The following PHC3 variants were observed in gnomAD, a reference collection of about 807,000 sequenced individuals.
PHC3 encodes the protein polyhomeotic-like protein 3.
A neutral mutation model predicts 107.4 loss-of-function variants in PHC3; 13 were observed. The observed-to-expected ratio is 0.12, with a 90% CI of 0.08 to 0.19. The LOEUF is 0.19. Ranked by LOEUF, PHC3 falls within the 10% of genes least tolerant of loss-of-function variation. PHC3 has a pLI of 1.00. For synonymous variants in PHC3, 456 were observed against 427.4 expected (o/e 1.07, Z -0.83); for missense variants, 992 against 1,210.9 (o/e 0.82, Z 2.68).
At chr3:170,155,278 AAAG>A (rs1191012341) in intron 4 of PHC3, among the ~76,000 whole-genome samples, 1 of 152,276 alleles carries the variant, frequency 6.6e-6, no homozygotes, top group African/African-American at 2.4e-5. Context: ...TTTCACATTA[AAAG>A]AATGATGTAT....
intron 11 of PHC3, among the ~76,000 whole-genome samples, chr3:170,111,886 A>G (rs1409438070): frequency 6.6e-6 from 1 of 152,352 alleles, no homozygotes; most frequent in East Asian, 1.9e-4. Context: ...GTATAGGCTC[A>G]ATAAATATTT....
At chr3:170,114,325 A>G (rs1221217149) in intron 10 of PHC3, among the ~76,000 whole-genome samples, 3 of 152,166 alleles carry the variant, frequency 2.0e-5, no homozygotes, top group African/African-American at 7.2e-5. Flanking sequence ...AGTGTTTTCC[A>G]TACGAATGCA....
At position 170,095,561 on chromosome 3, in the gene PHC3, A is replaced by G. The variant is rs1317022472; in HGVS notation, c.*1669T>C. Reference sequence around the variant, plus strand: ...ATCTTTAGTCTTCTACCAGCTCAACACAATCTTTTTGAAAAGAGCAGTGAA... The same window carrying G: ...ATCTTTAGTCTTCTACCAGCTCAACGCAATCTTTTTGAAAAGAGCAGTGAA... On this transcript the variant is annotated 3_prime_UTR_variant, in exon 15 of 15. Transcript: ENST00000495893. 2.6e-5 allele frequency: 4 copies of G among 152,204 alleles called. No homozygotes were observed. The East Asian group carries it at 7.7e-4, about 29-fold the overall frequency. 9.4% of individuals were successfully genotyped at this position (152,204 alleles called of 1,614,324 possible).
intron 1 of PHC3, among the ~76,000 whole-genome samples, chr3:170,181,414 G>C (rs1731403833): frequency 6.6e-6 from 1 of 151,954 alleles, no homozygotes; most frequent in African/African-American, 2.4e-5. Flanking sequence ...CTCGTTCCCC[G>C]GAAAACCCCA....
chr3:170,178,674 T>C lies in PHC3; in HGVS notation c.180+99A>G, dbSNP rs757424389. 4.0e-4 allele frequency: 527 copies of C among 1,312,822 alleles called. 1 individual carries two copies. Among genetic ancestry groups the C allele is most frequent in the Non-Finnish European group, 5.2e-4 (472 of 914,188 alleles). 81.3% of individuals were successfully genotyped at this position (1,312,822 alleles called of 1,614,324 possible). On this transcript the variant is annotated intron_variant, in intron 2 of 14. Coordinates refer to ENST00000495893, the MANE Select transcript of PHC3 (RefSeq NM_024947.4). ...TGATTGAAACATTAGTAATTCTAAC[T>C]GTACATTTGAGAATATGAAACAATA... is the stretch of plus-strand genomic sequence containing the variant.
At chr3:170,111,317 G>GAACGAACGAACGAAC (rs1560033400) in intron 11 of PHC3, among the ~76,000 whole-genome samples, 9 of 107,510 alleles carry the variant, frequency 8.4e-5, no homozygotes, top group South Asian at 6.1e-4. Flanking sequence ...AAGGAAGGAA[G>GAACGAACGAACGAAC]GAACGAACGA....
chr3:170,100,263 G>A (rs1715258389), intron 14 of PHC3, among the ~76,000 whole-genome samples: 1 of 152,146 alleles, frequency 6.6e-6, no homozygotes, highest in South Asian at 2.1e-4. Flanking sequence ...GAAAAGCTTG[G>A]GAGTAGACTA....
At position 170,129,159 on chromosome 3, in the gene PHC3, A is replaced by G. The variant is rs995916474; in HGVS notation, c.1313T>C (p.Val438Ala). The change falls in exon 8 of 15, where the codon GTG becomes GCG. Residue 438 changes from valine (V) to alanine (A), a missense_variant. Around this residue, in one of 6 missense-constraint regions of PHC3, gnomAD observed 543 missense variants for 590.8 expected, o/e 0.92. Coordinates refer to ENST00000495893, the MANE Select transcript of PHC3 (RefSeq NM_024947.4). ...PQALIQPHPL[V>A]SSALQPGPNL... The stretch of plus-strand genomic sequence containing the variant: ...TGGCCCTGGCTGGAGAGCTGATGAC[A>G]CAAGAGGGTGTGGCTGAATAAGTGC... 11 of 1,613,792 alleles carry G rather than the reference A, an allele frequency of 6.8e-6. No individual in the cohort carries two copies. The highest frequency in any genetic ancestry group is 8.5e-6 in the Non-Finnish European group (10 of 1,179,854).
At chr3:170,098,502 CTT>C (rs1164075090) in intron 14 of PHC3, among the ~76,000 whole-genome samples, 4 of 152,120 alleles carry the variant, frequency 2.6e-5, no homozygotes, top group Non-Finnish European at 4.4e-5. Flanking sequence ...GTATCATCCT[CTT>C]GTTTATGTAA....
chr3:170,148,828 A>T (rs754958976), intron 5 of PHC3: 3 of 284,250 alleles, frequency 1.1e-5, no homozygotes, highest in Non-Finnish European at 2.0e-5. Flanking sequence ...GATATTAAAA[A>T]ATAATCACTC....
At chr3:170,110,340 C>G (rs973257916) in intron 11 of PHC3, among the ~76,000 whole-genome samples, 1 of 151,974 alleles carries the variant, frequency 6.6e-6, no homozygotes, top group Non-Finnish European at 1.5e-5. Context: ...AGTCATACTT[C>G]CCACTACCCC....
At chr3:170,146,682 G>A (rs1305071777) in intron 5 of PHC3, among the ~76,000 whole-genome samples, 7 of 150,280 alleles carry the variant, frequency 4.7e-5, no homozygotes, top group African/African-American at 1.2e-4. Flanking sequence ...ACAGGCATAC[G>A]CCACAACGCC....
rs201586941 is a variant in PHC3, at chr3:170,129,368, C to T, written c.1104G>A (p.Gln368=). The T allele has an allele frequency of 4.3e-6, 7 of 1,613,832 alleles. No homozygotes were observed. In the East Asian group the frequency reaches 1.6e-4, roughly 36 times the overall value. ...TGGGAGCTGGAGGAAGGCCATGGTTCTGGAGTGGTATACAGTGCTGGGATG... is the reference window on the plus strand; with the variant it reads ...TGGGAGCTGGAGGAAGGCCATGGTTTTGGAGTGGTATACAGTGCTGGGATG... ...PPPSQHCIPL[Q]NHGLPPAPSN... Residue 368 remains glutamine, a synonymous_variant, in exon 8 of 15, where the codon CAG becomes CAA. Coordinates refer to ENST00000495893, the MANE Select transcript of PHC3 (RefSeq NM_024947.4).
At chr3:170,139,866 G>A (rs1723750722) in intron 6 of PHC3, among the ~76,000 whole-genome samples, 1 of 152,156 alleles carries the variant, frequency 6.6e-6, no homozygotes, top group Non-Finnish European at 1.5e-5. Context: ...TTTCTAAGAA[G>A]AAGAATATTA....
At chr3:170,179,056 AAGAC>A in intron 1 of PHC3, 118 bp from the exon 2 acceptor site, 1 of 946,214 alleles carries the variant, frequency 1.1e-6, no homozygotes, top group Admixed American at 2.3e-5. Context: ...GCTCTCATAA[AAGAC>A]AGCCAACACA....
At chr3:170,170,604 GTATT>G (rs1729440903) in intron 4 of PHC3, 1 of 151,770 alleles carries the variant, frequency 6.6e-6, no homozygotes, top group African/African-American at 2.4e-5. Flanking sequence ...ACACATCAAA[GTATT>G]TAGGAATAAA....
At position 170,096,044 on chromosome 3, in the gene PHC3, T is replaced by C. The variant is rs1330941132; in HGVS notation, c.*1186A>G. ...ACTATTTTCTTGCCAGAAAAGGCTG[T>C]GCACTAGTTCATAGGTATAATCATA... On this transcript the variant is annotated 3_prime_UTR_variant, in exon 15 of 15. Transcript: ENST00000495893. 6.6e-6 allele frequency: 1 copy of C among 152,204 alleles called. No individual in the cohort carries two copies. Among genetic ancestry groups the C allele is most frequent in the African/African-American group, 2.4e-5 (1 of 41,452 alleles). The allele number at this position is 152,204 out of a possible 1,614,324, so 9.4% of individuals were successfully genotyped here.
At position 170,129,376 on chromosome 3, in the gene PHC3, G is replaced by C. The variant is rs1257355077; in HGVS notation, c.1096C>G (p.Pro366Ala). ...GGAGGAAGGCCATGGTTCTGGAGTG[G>C]TATACAGTGCTGGGATGGGGGTGGG... ...QDPPPSQHCI[P>A]LQNHGLPPAP... Residue 366 changes from proline (P) to alanine (A), a missense_variant, in exon 8 of 15, where the codon CCA (proline) becomes GCA (alanine). Pro to Ala is a conservative substitution (Grantham distance 27). Around this residue, in one of 6 missense-constraint regions of PHC3, gnomAD observed 543 missense variants for 590.8 expected, o/e 0.92. Coordinates refer to ENST00000495893, the MANE Select transcript of PHC3 (RefSeq NM_024947.4). 6.2e-7 allele frequency: 1 copy of C among 1,613,904 alleles called. No individual in the cohort carries two copies. The highest frequency in any genetic ancestry group is 8.5e-7 in the Non-Finnish European group (1 of 1,179,842).
At chr3:170,139,572 C>T (rs1289677190) in intron 6 of PHC3, among the ~76,000 whole-genome samples, 2 of 152,062 alleles carry the variant, frequency 1.3e-5, no homozygotes, top group Admixed American at 6.6e-5. Context: ...TAGAATAATA[C>T]TCCTTTTGTT....
Sources: gnomAD v4.1 joint callset for allele counts (sites outside exome capture counted in the v4.1 genomes callset) on GRCh38, gnomAD v4.1.1 for gene constraint, gnomAD v4.1.1 regional missense constraint, MANE v1.5 for transcripts, NCBI Gene and HGNC (gene_info 2026-07-23, HGNC 2026-07-21) for gene names.